ASAP2: variants seen among roughly 807,000 people sequenced by gnomAD.
The protein encoded by ASAP2 is arf-GAP with SH3 domain, ANK repeat and PH domain-containing protein 2.
A neutral mutation model predicts 131.4 loss-of-function variants in ASAP2; 45 were observed. The observed-to-expected ratio is 0.34, with a 90% confidence interval of 0.27 to 0.44. The LOEUF (loss-of-function observed/expected upper bound fraction) is 0.44. Ranked by LOEUF, ASAP2 falls within the 20% of genes least tolerant of loss-of-function variation. ASAP2 has a pLI of 1.00. For synonymous variants in ASAP2, 510 were observed against 503.0 expected, an observed-to-expected ratio of 1.01 and a Z score of -0.19; for missense variants, 1,011 against 1,297.0, an observed-to-expected ratio of 0.78 and a Z score of 3.39.
At chr2:9,254,098 C>G (rs1362370605) in intron 1 of ASAP2, among the ~76,000 whole-genome samples, 1 of 146,036 alleles carries the variant, frequency 6.8e-6, no homozygotes, top group South Asian at 2.2e-4. Flanking sequence ...CCCAGTTACT[C>G]AGGAGGCTGA....
At chr2:9,264,964 C>G (rs886949246) in intron 1 of ASAP2, among the ~76,000 whole-genome samples, 1 of 151,990 alleles carries the variant, frequency 6.6e-6, no homozygotes, top group African/African-American at 2.4e-5. Flanking sequence ...CATAGGGAGA[C>G]GTCTCTGCAA....
In ASAP2 at chr2:9,376,191, A is replaced by G. The variant is rs551276898; in HGVS notation, c.1747-717A>G. On this transcript the variant is annotated intron_variant, in intron 17 of 27. Coordinates refer to ENST00000281419, the MANE Select transcript of ASAP2 (RefSeq NM_003887.3). ...CCCCAGAAAGAACTCATGCCCACCA[A>G]TGCAGTGTGGAGGGTGCCCAGCACT... 5.9e-5 allele frequency among the ~76,000 whole-genome samples: 9 copies of G among 152,348 alleles called. No homozygotes were observed. In the East Asian group the frequency reaches 1.2e-3, roughly 20 times the overall value.
chr2:9,373,572 C>T (rs1235562731), intron 16 of ASAP2, among the ~76,000 whole-genome samples: 1 of 152,198 alleles, frequency 6.6e-6, no homozygotes, highest in Admixed American at 6.5e-5. Flanking sequence ...TTCTGGGGGG[C>T]CAGTTGTTCC....
chr2:9,353,065 C>G (rs1672453662), intron 12 of ASAP2, among the ~76,000 whole-genome samples: 2 of 152,040 alleles, frequency 1.3e-5, no homozygotes, highest in South Asian at 4.1e-4. Flanking sequence ...GCCAGATACC[C>G]CAGAGAGTCA....
intron 27 of ASAP2, among the ~76,000 whole-genome samples, chr2:9,401,813 G>A (rs540794989): frequency 6.6e-6 from 1 of 152,380 alleles, no homozygotes; most frequent in East Asian, 1.9e-4. Context: ...CCAGCAGGGT[G>A]TGGGAGCAAG....
chr2:9,398,514 A>C (rs1365161873), intron 24 of ASAP2, among the ~76,000 whole-genome samples: 1 of 151,948 alleles, frequency 6.6e-6, no homozygotes, highest in Non-Finnish European at 1.5e-5. Flanking sequence ...TGACTCAAAA[A>C]ACAAACACAA....
intron 24 of ASAP2, among the ~76,000 whole-genome samples, chr2:9,397,744 A>ATTTTTTTTTTTTT (rs1558403324): frequency 1.1e-5 from 1 of 87,194 alleles, no homozygotes; most frequent in African/African-American, 9.0e-5. Context: ...ATATATATAT[A>ATTTTTTTTTTTTT]TATATATTTT....
chr2:9,283,024 C>T (rs1439676527), intron 2 of ASAP2, among the ~76,000 whole-genome samples: 1 of 152,220 alleles, frequency 6.6e-6, no homozygotes, highest in East Asian at 1.9e-4. Context: ...CAAGCCTTAG[C>T]TCTCTTTGAC....
At chr2:9,244,262 C>G (rs1413656465) in intron 1 of ASAP2, among the ~76,000 whole-genome samples, 1 of 152,184 alleles carries the variant, frequency 6.6e-6, no homozygotes, top group Non-Finnish European at 1.5e-5. Context: ...CGCCACTGCA[C>G]TCCAGCCTAT....
rs1365972557 is a variant in ASAP2, at chr2:9,207,626, C to T, written c.126+396C>T. ...TCAACTTGTTCTTGAAGTGGACCGGCGGGGGCAGCTCCGCGCTCCGAGCTC... is the reference window on the plus strand; with the variant it reads ...TCAACTTGTTCTTGAAGTGGACCGGTGGGGGCAGCTCCGCGCTCCGAGCTC... On this transcript the variant is annotated intron_variant, in intron 1 of 27. Transcript: ENST00000281419. This position sits in a 1 kb window ranked among gnomAD's most constrained non-coding sequence, Gnocchi z 4.1. Among the ~76,000 whole-genome samples, 1 of 151,918 alleles carries T rather than the reference C, an allele frequency of 6.6e-6. No homozygotes were observed. The highest frequency in any genetic ancestry group is 2.4e-5 in the African/African-American group (1 of 41,416).
intron 12 of ASAP2, among the ~76,000 whole-genome samples, chr2:9,352,849 G>A (rs972788795): frequency 6.6e-6 from 1 of 152,208 alleles, no homozygotes; most frequent in Non-Finnish European, 1.5e-5. Context: ...CCAGTTGGGG[G>A]CAGTGTCGTG....
At chr2:9,381,044 G>T (rs1674800934) in intron 20 of ASAP2, among the ~76,000 whole-genome samples, 1 of 152,216 alleles carries the variant, frequency 6.6e-6, no homozygotes, top group Non-Finnish European at 1.5e-5. Context: ...GTGTTTGCTG[G>T]TTGGCCGTGT....
Position 9,392,331 on chromosome 2 carries a change from G to A in ASAP2, c.2518+1135G>A, listed in dbSNP as rs1338347417. Among the ~76,000 whole-genome samples, 1 of 152,214 alleles carries A rather than the reference G, an allele frequency of 6.6e-6. No homozygotes were observed. Among genetic ancestry groups the A allele is most frequent in the East Asian group, 1.9e-4 (1 of 5,190 alleles). ...CCCTGTCTCCTGCTGCAGCAGCCCT[G>A]GAGTGGGGAGTCCAGCATCTCTGGG... is the stretch of plus-strand genomic sequence containing the variant. On this transcript the variant is annotated intron_variant, in intron 23 of 27. Transcript: ENST00000281419. This position sits in a 1 kb window ranked among gnomAD's most constrained non-coding sequence, Gnocchi z 4.0.
chr2:9,344,668 T>A (rs374869948), intron 10 of ASAP2, 33 bp downstream of exon 10: 282 of 1,612,744 alleles, frequency 1.7e-4, no homozygotes, highest in Non-Finnish European at 2.2e-4. Flanking sequence ...AGTTTAAATG[T>A]ACGTTCGTTA....
chr2:9,330,034 T>C (rs1281467263), intron 7 of ASAP2, among the ~76,000 whole-genome samples: 1 of 152,240 alleles, frequency 6.6e-6, no homozygotes, highest in Non-Finnish European at 1.5e-5. Flanking sequence ...ATTTATTTGT[T>C]TTATATCTAC....
intron 15 of ASAP2, among the ~76,000 whole-genome samples, chr2:9,364,223 T>G (rs1040214650): frequency 2.6e-5 from 4 of 152,118 alleles, no homozygotes; most frequent in African/African-American, 4.8e-5. Context: ...AAAAATCTTA[T>G]GAGACCAGGC....
At position 9,405,575 on chromosome 2, in the gene ASAP2, A is replaced by G. The variant is rs1677156696; in HGVS notation, c.*2248A>G. On this transcript the variant is annotated 3_prime_UTR_variant, in exon 28 of 28. Coordinates refer to ENST00000281419, the MANE Select transcript of ASAP2 (RefSeq NM_003887.3). ...TGTATAACCGAAATTGATTATTTTC[A>G]TTGTCCTTAATGCAGTGATTTATAA... 1 of 152,626 alleles carries G rather than the reference A, an allele frequency of 6.6e-6. No homozygotes were observed. The highest frequency in any genetic ancestry group is 6.5e-5 in the Admixed American group (1 of 15,278). 9.5% of individuals were successfully genotyped at this position (152,626 alleles called of 1,614,324 possible).
intron 1 of ASAP2, among the ~76,000 whole-genome samples, chr2:9,248,926 C>T (rs1188344206): frequency 6.6e-6 from 1 of 152,184 alleles, no homozygotes; most frequent in Non-Finnish European, 1.5e-5. Context: ...TCCATGTCCC[C>T]AAATCCAGAA....
chr2:9,289,578 C>T lies in ASAP2; in HGVS notation c.200-7722C>T, dbSNP rs141680861. Among the ~76,000 whole-genome samples the T allele has an allele frequency of 8.9e-3, 1,349 of 152,286 alleles. 17 individuals carry two copies. Among genetic ancestry groups the T allele is most frequent in the Non-Finnish European group, 0.013 (890 of 68,030 alleles). On this transcript the variant is annotated intron_variant, in intron 2 of 27. Coordinates refer to ENST00000281419, the MANE Select transcript of ASAP2 (RefSeq NM_003887.3). ...AATATGCAGTAGCCCAGTCTCCACT[C>T]TTCACCCTCTCACCTGCCTTCCAAG...
Sources: gnomAD v4.1 joint callset for allele counts (sites outside exome capture counted in the v4.1 genomes callset) on GRCh38, gnomAD v4.1.1 for gene constraint, Gnocchi (gnomAD v3.1) non-coding constraint, MANE v1.5 for transcripts, NCBI Gene and HGNC (gene_info 2026-07-23, HGNC 2026-07-21) for gene names.